AHSA1: variants seen among roughly 807,000 people sequenced by gnomAD.
AHSA1 encodes the protein activator of 90 kDa heat shock protein ATPase homolog 1.
A neutral mutation model predicts 46.1 loss-of-function variants in AHSA1; 14 were observed. The observed-to-expected ratio is 0.30, with a 90% CI of 0.20 to 0.47. AHSA1 has a LOEUF of 0.47. Ranked by LOEUF, AHSA1 falls within the 20% of genes least tolerant of loss-of-function variation. AHSA1 has a pLI of 0.99. For missense variants in AHSA1, 333 were observed against 415.9 expected (o/e 0.80, Z 1.73); for synonymous variants, 147 against 145.8 (o/e 1.01, Z -0.06).
chr14:77,469,311 C>A lies in AHSA1; in HGVS notation c.*62C>A. The A allele has an allele frequency of 6.4e-7, 1 of 1,571,998 alleles. No homozygotes were observed. On this transcript the variant is annotated 3_prime_UTR_variant, in exon 9 of 9. Transcript: ENST00000216479. Reference sequence around the variant, plus strand: ...CAGTCCAGCTCTCTCCTGACTGGGGCTTGCGACTCACAGGATTGCATCGTC... The same window carrying A: ...CAGTCCAGCTCTCTCCTGACTGGGGATTGCGACTCACAGGATTGCATCGTC...
In AHSA1 at chr14:77,459,866, C is replaced by T. The variant is rs2079014128; in HGVS notation, c.271+60C>T. The T allele has an allele frequency of 1.9e-6, 3 of 1,576,994 alleles. No individual in the cohort carries two copies. In the Admixed American group the frequency reaches 5.0e-5, roughly 26 times the overall value. ...GTGTTTTGTTTAACCTGTTAAGTAG[C>T]TGGAGAGAACAGTTTTGAGGAGTTA... On this transcript the variant is annotated intron_variant, in intron 2 of 8. Transcript: ENST00000216479.
chr14:77,464,775 T>C, intron 5 of AHSA1, 89 bp downstream of exon 5: 1 of 1,206,858 alleles, frequency 8.3e-7, no homozygotes. Context: ...TCTGTGTCCC[T>C]AACCTCTAAG....
chr14:77,468,732 T>C, intron 8 of AHSA1: 1 of 496,566 alleles, frequency 2.0e-6, no homozygotes, highest in Non-Finnish European at 3.5e-6. Context: ...TTTTTTTTTT[T>C]TTTTTTTTTT....
intron 2 of AHSA1, among the ~76,000 whole-genome samples, chr14:77,461,800 A>G (rs1452021211): frequency 6.6e-6 from 1 of 152,176 alleles, no homozygotes; most frequent in Non-Finnish European, 1.5e-5. Flanking sequence ...TTCTCATTAT[A>G]ATCAAATTGT....
At chr14:77,462,828 T>G (rs977938667) in intron 4 of AHSA1, 69 bp downstream of exon 4, 1 of 1,328,490 alleles carries the variant, frequency 7.5e-7, no homozygotes, top group African/African-American at 1.4e-5. Flanking sequence ...GTTAAGGGCC[T>G]GGACAGTCCT....
chr14:77,466,806 G>T (rs1348229927), intron 6 of AHSA1, among the ~76,000 whole-genome samples: 1 of 152,214 alleles, frequency 6.6e-6, no homozygotes, highest in Non-Finnish European at 1.5e-5. Flanking sequence ...TGGCTAACTT[G>T]GTTCTACTTG....
At chr14:77,459,891 A>G in intron 2 of AHSA1, 85 bp downstream of exon 2, 3 of 1,481,660 alleles carry the variant, frequency 2.0e-6, no homozygotes, top group Non-Finnish European at 2.8e-6. Context: ...TTGAGGAGTT[A>G]CAGACCTTGA....
At chr14:77,459,901 A>C in intron 2 of AHSA1, 95 bp downstream of exon 2, 13 of 1,381,838 alleles carry the variant, frequency 9.4e-6, no homozygotes, top group Non-Finnish European at 1.3e-5. Flanking sequence ...ACAGACCTTG[A>C]AGGGAGAAGG....
chr14:77,461,141 AGAGT>A (rs2079022337), intron 2 of AHSA1, among the ~76,000 whole-genome samples: 2 of 152,120 alleles, frequency 1.3e-5, no homozygotes, highest in African/African-American at 4.8e-5. Context: ...CCTGGGCAAC[AGAGT>A]GAGACTCCAT....
intron 5 of AHSA1, 109 bp downstream of exon 5, chr14:77,464,795 C>A: frequency 2.2e-6 from 2 of 890,950 alleles, no homozygotes; most frequent in Non-Finnish European, 1.7e-6. Context: ...GCCAGACCAG[C>A]CTGCGATCTG....
chr14:77,461,652 C>T (rs145970269), intron 2 of AHSA1, among the ~76,000 whole-genome samples: 185 of 152,296 alleles, frequency 1.2e-3, no homozygotes, highest in African/African-American at 4.2e-3. Context: ...TGGCTCACAA[C>T]ACACGCTGTA....
intron 2 of AHSA1, among the ~76,000 whole-genome samples, chr14:77,461,240 G>A (rs1199381581): frequency 2.0e-5 from 3 of 151,240 alleles, no homozygotes; most frequent in Non-Finnish European, 2.9e-5. Flanking sequence ...TTGTGAAAGT[G>A]GGCATCAAAG....
At chr14:77,464,555 T>G (rs1158166350) in intron 4 of AHSA1, 43 bp from the exon 5 acceptor site, 1 of 1,527,662 alleles carries the variant, frequency 6.5e-7, no homozygotes, top group Non-Finnish European at 9.0e-7. Flanking sequence ...AGATCTCAGC[T>G]ACTAAGAAGT....
rs139843905 is a variant in AHSA1 at position 77,461,728 on chromosome 14, G to A, written c.272-432G>A. Among the ~76,000 whole-genome samples, 1,055 of 152,306 alleles carry A rather than the reference G, an allele frequency of 6.9e-3. 10 individuals carry two copies. The highest frequency in any genetic ancestry group is 0.025 in the African/African-American group (1,021 of 41,548). ...TTTTATGTATCCTGTGTAGCTGGGT[G>A]AGGCTTTCCGTATTCACCTAGTGTT... is the stretch of plus-strand genomic sequence containing the variant. On this transcript the variant is annotated intron_variant, in intron 2 of 8. Coordinates refer to ENST00000216479, the MANE Select transcript of AHSA1 (RefSeq NM_012111.3).
chr14:77,459,449 C>T (rs897455986), intron 1 of AHSA1, among the ~76,000 whole-genome samples, 167 bp from the exon 2 acceptor site: 1 of 152,162 alleles, frequency 6.6e-6, no homozygotes, highest in Non-Finnish European at 1.5e-5. Flanking sequence ...AACCCCTTGT[C>T]TTCCTAAAAA....
chr14:77,457,951 C>T, upstream of AHSA1: 1 of 527,808 alleles, frequency 1.9e-6, no homozygotes, highest in Non-Finnish European at 3.3e-6. Context: ...CCGATGGAGT[C>T]TGAAGGATCT....
Position 77,469,256 on chromosome 14 carries a change from C to T in AHSA1, c.*7C>T, listed in dbSNP as rs1452370544. The T allele has an allele frequency of 3.7e-6, 6 of 1,612,830 alleles. No individual in the cohort carries two copies. The highest frequency in any genetic ancestry group is 2.2e-5 in the East Asian group (1 of 44,826). ...TGGCGCACGCTTATTTTAGGGCCAGCGGCAGGGGACTCCAGCCTGCTGGAC... is the reference window on the plus strand; with the variant it reads ...TGGCGCACGCTTATTTTAGGGCCAGTGGCAGGGGACTCCAGCCTGCTGGAC... On this transcript the variant is annotated 3_prime_UTR_variant, in exon 9 of 9. Transcript: ENST00000216479.
At chr14:77,460,748 A>G (rs576838172) in intron 2 of AHSA1, among the ~76,000 whole-genome samples, 22 of 151,566 alleles carry the variant, frequency 1.5e-4, no homozygotes, top group African/African-American at 5.3e-4. Context: ...TTTATTAGAG[A>G]TGGGTTTCAC....
intron 1 of AHSA1, among the ~76,000 whole-genome samples, chr14:77,459,254 A>G (rs546464884): frequency 8.5e-5 from 13 of 152,316 alleles, no homozygotes; most frequent in Admixed American, 6.5e-4. Flanking sequence ...GCTAAGTACT[A>G]TTCTTTCATG....
Sources: gnomAD v4.1 joint callset for allele counts (sites outside exome capture counted in the v4.1 genomes callset) on GRCh38, gnomAD v4.1.1 for gene constraint, MANE v1.5 for transcripts, NCBI Gene and HGNC (gene_info 2026-07-23, HGNC 2026-07-21) for gene names.